SUPT3H: variants seen among roughly 807,000 people sequenced by gnomAD.
SUPT3H encodes SPT3 homolog, SAGA and STAGA complex component, also known as transcription initiation protein SPT3 homolog.
SUPT3H carries 44 observed loss-of-function variants against 44.3 expected under a neutral mutation model. The observed-to-expected ratio is 0.99, with a 90% CI of 0.78 to 1.28. SUPT3H has a LOEUF of 1.28. Ranked by LOEUF, SUPT3H falls within the 50% of genes most tolerant of loss-of-function variation. SUPT3H has a pLI of 0.00. For missense variants in SUPT3H, 380 were observed against 387.1 expected (o/e 0.98, Z 0.15); for synonymous variants, 124 against 125.6 (o/e 0.99, Z 0.09).
intron 9 of SUPT3H, among the ~76,000 whole-genome samples, chr6:44,936,832 T>C (rs1224711713): frequency 5.3e-5 from 8 of 152,008 alleles, no homozygotes; most frequent in Non-Finnish European, 8.8e-5. Flanking sequence ...GCACCTGGCT[T>C]ATTTTTGTAT....
intron 11 of SUPT3H, among the ~76,000 whole-genome samples, chr6:44,812,715 T>TC (rs1347503993): frequency 2.0e-5 from 3 of 152,192 alleles, no homozygotes; most frequent in Non-Finnish European, 2.9e-5. Flanking sequence ...TCTCTTTTTT[T>TC]CTCACGAAAT....
chr6:44,979,890 T>A lies in SUPT3H; in HGVS notation c.505-18062A>T, dbSNP rs189340238. Among the ~76,000 whole-genome samples the A allele has an allele frequency of 7.2e-5, 11 of 152,278 alleles. No individual in the cohort carries two copies. The East Asian group carries it at 2.1e-3, about 29-fold the overall frequency. On this transcript the variant is annotated intron_variant, in intron 6 of 10. Transcript: ENST00000371459. ...TTTACCAAACTGTTAACTAAAACAATTTTTATAGTAGACCAGGTCTACCTT... is the reference window on the plus strand; with the variant it reads ...TTTACCAAACTGTTAACTAAAACAAATTTTATAGTAGACCAGGTCTACCTT...
chr6:44,859,832 C>A (rs943025373), intron 10 of SUPT3H, among the ~76,000 whole-genome samples: 3 of 152,142 alleles, frequency 2.0e-5, no homozygotes, highest in African/African-American at 7.2e-5. Flanking sequence ...AACTTAACCC[C>A]ATTTCTTGTC....
At chr6:44,904,268 C>T (rs1005516508) in intron 10 of SUPT3H, among the ~76,000 whole-genome samples, 1 of 152,126 alleles carries the variant, frequency 6.6e-6, no homozygotes, top group African/African-American at 2.4e-5. Flanking sequence ...ATCTAGAAAA[C>T]CCCATTGTCT....
chr6:44,904,708 C>T lies in SUPT3H; in HGVS notation c.912+27945G>A, dbSNP rs140574168. 1.8e-4 allele frequency among the ~76,000 whole-genome samples: 27 copies of T among 152,268 alleles called. 1 individual carries two copies. Among genetic ancestry groups the T allele is most frequent in the Non-Finnish European group, 2.5e-4 (17 of 68,038 alleles). On this transcript the variant is annotated intron_variant, in intron 10 of 10. Transcript: ENST00000371459. ...TGGAACCAAAAAAGAGCTTGCACCG[C>T]GAAGTCAATCCTAAGCCAAAAGAAC...
chr6:44,965,209 T>C (rs146803785), intron 6 of SUPT3H, among the ~76,000 whole-genome samples: 306 of 152,284 alleles, frequency 2.0e-3, no homozygotes, highest in African/African-American at 6.9e-3. Flanking sequence ...GTGTATCTGA[T>C]AGTGCAAGCA....
chr6:45,050,277 C>CTGTGTGTGTG (rs1491015567), intron 3 of SUPT3H, among the ~76,000 whole-genome samples: 1 of 51,576 alleles, frequency 1.9e-5, no homozygotes, highest in Non-Finnish European at 3.7e-5. Context: ...GCTTTTTCTG[C>CTGTGTGTGTG]AGTGTGTGTG....
chr6:45,038,504 T>C (rs1788022050), intron 3 of SUPT3H, among the ~76,000 whole-genome samples: 1 of 152,172 alleles, frequency 6.6e-6, no homozygotes, highest in Admixed American at 6.5e-5. Flanking sequence ...CAGAAATGAA[T>C]GATTTCCACT....
At chr6:45,306,172 C>T (rs955725149) in intron 2 of SUPT3H, among the ~76,000 whole-genome samples, 5 of 152,212 alleles carry the variant, frequency 3.3e-5, no homozygotes, top group African/African-American at 1.2e-4. Flanking sequence ...AAGGCCACAT[C>T]ACAGGCAACA....
At chr6:44,984,094 C>T (rs1454844384) in intron 6 of SUPT3H, among the ~76,000 whole-genome samples, 3 of 152,164 alleles carry the variant, frequency 2.0e-5, no homozygotes, top group Non-Finnish European at 4.4e-5. Context: ...TCTGCCTCCT[C>T]TTGCCTCCAT....
chr6:45,060,151 G>A (rs948757177), intron 3 of SUPT3H, among the ~76,000 whole-genome samples: 3 of 151,968 alleles, frequency 2.0e-5, no homozygotes, highest in Admixed American at 6.6e-5. Flanking sequence ...ACAATCCTAA[G>A]CAAAAAGAAC....
At chr6:44,931,600 T>A (rs1469001006) in intron 10 of SUPT3H, among the ~76,000 whole-genome samples, 1 of 152,158 alleles carries the variant, frequency 6.6e-6, no homozygotes, top group Non-Finnish European at 1.5e-5. Context: ...AAAATCATGT[T>A]CTTATATAAG....
chr6:44,830,620 C>T (rs1768486996), intron 10 of SUPT3H, among the ~76,000 whole-genome samples: 1 of 152,118 alleles, frequency 6.6e-6, no homozygotes, highest in Non-Finnish European at 1.5e-5. Context: ...GTCTCTGTAA[C>T]ATCCTGAATT....
At chr6:45,119,801 G>T (rs1221091365) in intron 2 of SUPT3H, among the ~76,000 whole-genome samples, 1 of 151,830 alleles carries the variant, frequency 6.6e-6, no homozygotes, top group Non-Finnish European at 1.5e-5. Flanking sequence ...TGCATTTGGG[G>T]CCAAGTAAAA....
At chr6:44,876,836 G>GAAAAAAAAAA (rs200454659) in intron 10 of SUPT3H, among the ~76,000 whole-genome samples, 5 of 92,230 alleles carry the variant, frequency 5.4e-5, no homozygotes, top group Non-Finnish European at 1.1e-4. Flanking sequence ...ATCTTCAATT[G>GAAAAAAAAAA]AAAAAAAAAA....
chr6:45,042,188 C>T lies in SUPT3H; in HGVS notation c.187-21556G>A, dbSNP rs545384541. Reference sequence around the variant, plus strand: ...CTATAATCCCAGCACTTTGGGAGGCCGAGGCAGGCTGATCATCTGAGGTCA... The same window carrying T: ...CTATAATCCCAGCACTTTGGGAGGCTGAGGCAGGCTGATCATCTGAGGTCA... On this transcript the variant is annotated intron_variant, in intron 3 of 10. Coordinates refer to ENST00000371459, the MANE Select transcript of SUPT3H (RefSeq NM_003599.4). Among the ~76,000 whole-genome samples the T allele has an allele frequency of 5.9e-5, 9 of 152,130 alleles. No homozygotes were observed. The South Asian group carries it at 1.2e-3, about 21-fold the overall frequency.
chr6:44,957,322 G>A (rs908695318), intron 7 of SUPT3H, among the ~76,000 whole-genome samples: 1 of 152,060 alleles, frequency 6.6e-6, no homozygotes, highest in Non-Finnish European at 1.5e-5. Context: ...GTCAAATATG[G>A]CAGAATTATG....
intron 2 of SUPT3H, among the ~76,000 whole-genome samples, chr6:45,358,807 G>A (rs114471738): frequency 0.018 from 2,670 of 152,086 alleles, 50 homozygotes; most frequent in South Asian, 0.086. Context: ...ATGGTGAAAC[G>A]TATGAATATT....
chr6:45,004,635 T>C (rs1782458114), intron 5 of SUPT3H, among the ~76,000 whole-genome samples: 1 of 152,166 alleles, frequency 6.6e-6, no homozygotes, highest in African/African-American at 2.4e-5. Context: ...CCCTTTTACA[T>C]GATCAGCCAA....
Sources: gnomAD v4.1 joint callset for allele counts (sites outside exome capture counted in the v4.1 genomes callset) on GRCh38, gnomAD v4.1.1 for gene constraint, MANE v1.5 for transcripts, NCBI Gene and HGNC (gene_info 2026-07-23, HGNC 2026-07-21) for gene names.